ZNF786: variants seen among roughly 807,000 people sequenced by gnomAD.
ZNF786 encodes the protein zinc finger protein 786.
In ZNF786, 56 loss-of-function variants were observed where a neutral mutation model predicts 63.1. The observed-to-expected ratio is 0.89, with a 90% CI of 0.72 to 1.11. The LOEUF is 1.11. ZNF786 is among the 50% of genes least tolerant of loss of function. The pLI, the probability that ZNF786 is intolerant of heterozygous loss-of-function variation, is 0.00. For missense variants in ZNF786, 1,213 were observed against 1,041.8 expected, an observed-to-expected ratio of 1.16 and a Z score of -2.26; for synonymous variants, 485 against 406.9, an observed-to-expected ratio of 1.19 and a Z score of -2.31.
rs543540992 is a variant in ZNF786 at position 149,071,063 on chromosome 7, C to T, written c.1709G>A (p.Cys570Tyr). ...GGATTGTCTGGTGAAGCCCTTGCCA[C>T]ACTCCCCGCACGAGAACGGCCTCTC... ...SKERPFSCGECGKGFTRQSKL... is the reference protein window; with the variant it reads ...SKERPFSCGEYGKGFTRQSKL... The change falls in exon 4 of 4, where the codon TGT becomes TAT. Residue 570 changes from cysteine to tyrosine, a missense_variant. Coordinates refer to ENST00000491431, the MANE Select transcript of ZNF786 (RefSeq NM_152411.4). The T allele has an allele frequency of 1.4e-4, 231 of 1,612,428 alleles. No individual in the cohort carries two copies. Among genetic ancestry groups the T allele is most frequent in the Non-Finnish European group, 1.9e-4 (225 of 1,179,750 alleles).
In ZNF786 at chr7:149,071,099, G is replaced by A. The variant is rs1825404099; in HGVS notation, c.1673C>T (p.Thr558Met). Reference protein sequence around the residue: ...LKGILKAHQHTHSKERPFSCG... With the variant: ...LKGILKAHQHMHSKERPFSCG... ...CGAGAACGGCCTCTCCTTGCTGTGC[G>A]TGTGCTGGTGGGCCTTCAGGATGCC... Residue 558 changes from threonine (T) to methionine (M), a missense_variant, in exon 4 of 4, where the codon ACG becomes ATG. By Grantham distance (81) the Thr-to-Met change is moderately conservative. Transcript: ENST00000491431. 3 of 1,605,920 alleles carry A rather than the reference G, an allele frequency of 1.9e-6. No homozygotes were observed. Among genetic ancestry groups the A allele is most frequent in the Non-Finnish European group, 2.5e-6 (3 of 1,177,632 alleles).
rs1030569233 is a variant in ZNF786 at position 149,071,473 on chromosome 7, G to A, written c.1299C>T (p.Gly433=). 5 of 1,613,388 alleles carry A rather than the reference G, an allele frequency of 3.1e-6. No individual in the cohort carries two copies. In the South Asian group the frequency reaches 3.3e-5, roughly 11 times the overall value. Residue 433 remains glycine, a synonymous_variant, in exon 4 of 4, where the codon GGC becomes GGT. Transcript: ENST00000491431. ...CCGTGAGTTTACACTGCTTGGCGAA[G>A]CCCTTGCCACACTTCCTGCAGGAGA... ...RPFSCRKCGK[G]FAKQCKLTEH...
At chr7:149,076,288 T>A (rs1356459390) in intron 2 of ZNF786, among the ~76,000 whole-genome samples, 3 of 151,588 alleles carry the variant, frequency 2.0e-5, no homozygotes, top group Non-Finnish European at 2.9e-5. Flanking sequence ...CTAATTTTTG[T>A]ATTTTTAGTA....
chr7:149,076,734 A>C (rs974881968), intron 2 of ZNF786, among the ~76,000 whole-genome samples: 18 of 151,720 alleles, frequency 1.2e-4, no homozygotes, highest in African/African-American at 1.9e-4. Flanking sequence ...AAAAAAAAAA[A>C]AAAACTACAT....
intron 1 of ZNF786, among the ~76,000 whole-genome samples, chr7:149,089,901 G>A (rs1253054433): frequency 6.6e-6 from 1 of 151,460 alleles, no homozygotes; most frequent in African/African-American, 2.4e-5. Flanking sequence ...TTTTAGTAGA[G>A]TTGGGGTTTC....
In ZNF786 at chr7:149,070,929, G is replaced by A. The variant is rs771108934; in HGVS notation, c.1843C>T (p.His615Tyr). 4.3e-6 allele frequency: 7 copies of A among 1,613,722 alleles called. No individual in the cohort carries two copies. Among genetic ancestry groups the A allele is most frequent in the Non-Finnish European group, 5.9e-6 (7 of 1,179,988 alleles). ...KGQLLSHQRLHTGERPFQCPE... is the reference protein window; with the variant it reads ...KGQLLSHQRLYTGERPFQCPE... ...CACTGGAAGGGCCTCTCTCCCGTGT[G>A]CAGGCGCTGATGGCTGAGCAGCTGC... is the stretch of plus-strand genomic sequence containing the variant. The change falls in exon 4 of 4, where the codon CAC (histidine) becomes TAC (tyrosine). Residue 615 changes from histidine (H) to tyrosine (Y), a missense_variant. His to Tyr is a moderately conservative substitution (Grantham distance 83, BLOSUM62 2). Transcript: ENST00000491431.
chr7:149,072,125 C>T lies in ZNF786; in HGVS notation c.647G>A (p.Arg216Lys). Residue 216 changes from arginine to lysine, a missense_variant, in exon 4 of 4, where the codon AGG (arginine) becomes AAG (lysine). Transcript: ENST00000491431. Reference sequence around the variant, plus strand: ...CCTCTTGTTGAATTTCTCCCAGGCCCTACGTGTCCGGTCCTTTGAGTGGCC... The same window carrying T: ...CCTCTTGTTGAATTTCTCCCAGGCCTTACGTGTCCGGTCCTTTGAGTGGCC... Reference protein sequence around the residue: ...QRGHSKDRTRRAWEKFNKRAE... With the variant: ...QRGHSKDRTRKAWEKFNKRAE... 6.2e-7 allele frequency: 1 copy of T among 1,613,230 alleles called. No individual in the cohort carries two copies. Among genetic ancestry groups the T allele is most frequent in the East Asian group, 2.2e-5 (1 of 44,876 alleles).
Position 149,090,650 on chromosome 7 carries a change from G to A in ZNF786, c.-10C>T. 6.3e-7 allele frequency: 1 copy of A among 1,585,562 alleles called. No homozygotes were observed. The highest frequency in any genetic ancestry group is 2.3e-5 in the East Asian group (1 of 42,846). ...GAGGCGGCTCCGCCATGGTCCCCGC[G>A]GTCCCGCCCGGCCCTGGCAAACCCG... On this transcript the variant is annotated 5_prime_UTR_variant, in exon 1 of 4. Coordinates refer to ENST00000491431, the MANE Select transcript of ZNF786 (RefSeq NM_152411.4).
intron 3 of ZNF786, among the ~76,000 whole-genome samples, chr7:149,073,572 CCAAA>C (rs1205338899): frequency 2.6e-5 from 4 of 151,584 alleles, no homozygotes; most frequent in Non-Finnish European, 5.9e-5. Context: ...GTCTTAAAAA[CCAAA>C]CAAACTGGAT....
At chr7:149,087,004 G>A (rs774364523) in intron 1 of ZNF786, among the ~76,000 whole-genome samples, 1 of 151,990 alleles carries the variant, frequency 6.6e-6, no homozygotes, top group African/African-American at 2.4e-5. Context: ...CAACATGCTC[G>A]GCTAATTTTT....
chr7:149,090,642 G>A lies in ZNF786; in HGVS notation c.-2C>T, dbSNP rs756629857. On this transcript the variant is annotated 5_prime_UTR_variant, in exon 1 of 4. Transcript: ENST00000491431. ...GCTTACCCGAGGCGGCTCCGCCATGGTCCCCGCGGTCCCGCCCGGCCCTGG... is the reference window on the plus strand; with the variant it reads ...GCTTACCCGAGGCGGCTCCGCCATGATCCCCGCGGTCCCGCCCGGCCCTGG... 6.3e-7 allele frequency: 1 copy of A among 1,587,946 alleles called. No homozygotes were observed. The highest frequency in any genetic ancestry group is 8.6e-7 in the Non-Finnish European group (1 of 1,166,306).
At position 149,085,248 on chromosome 7, in the gene ZNF786, C is replaced by G. The variant is rs139307607; in HGVS notation, c.19-4531G>C. 7.4e-3 allele frequency among the ~76,000 whole-genome samples: 1,123 copies of G among 152,230 alleles called. 11 individuals are homozygous for G. In the Middle Eastern group the frequency reaches 0.082, roughly 11 times the overall value. On this transcript the variant is annotated intron_variant, in intron 1 of 3. Transcript: ENST00000491431. ...GATGTCTCCAGCTTTGTTCATTTTG[C>G]CTAGGACTGCCTTGGCTATTTGGGC...
At chr7:149,078,534 A>T (rs1825598432) in intron 2 of ZNF786, among the ~76,000 whole-genome samples, 1 of 152,100 alleles carries the variant, frequency 6.6e-6, no homozygotes, top group African/African-American at 2.4e-5. Context: ...AAAATATAAA[A>T]TTAGCAGGGC....
rs540390465 is a variant in ZNF786 at position 149,074,824 on chromosome 7, T to C, written c.146-286A>G. Reference sequence around the variant, plus strand: ...AACAAAATGGCTAATGCTATATATATATATATATTTTTAAAATTAATTATT... The same window carrying C: ...AACAAAATGGCTAATGCTATATATACATATATATTTTTAAAATTAATTATT... On this transcript the variant is annotated intron_variant, in intron 2 of 3. Transcript: ENST00000491431. 4.5e-4 allele frequency among the ~76,000 whole-genome samples: 68 copies of C among 151,374 alleles called. 2 individuals are homozygous for C. In the South Asian group the frequency reaches 0.013, roughly 29 times the overall value.
chr7:149,082,500 A>T (rs184247215), intron 1 of ZNF786: 142 of 908,026 alleles, frequency 1.6e-4, no homozygotes, highest in Non-Finnish European at 1.8e-4. Context: ...ATAAGCATAC[A>T]TCCCACCTTT....
chr7:149,070,925 G>A lies in ZNF786; in HGVS notation c.1847C>T (p.Thr616Met). ...GQLLSHQRLH[T>M]GERPFQCPEC... The stretch of plus-strand genomic sequence containing the variant: ...CGGACACTGGAAGGGCCTCTCTCCC[G>A]TGTGCAGGCGCTGATGGCTGAGCAG... The change falls in exon 4 of 4, where the codon ACG becomes ATG. Residue 616 changes from threonine (T) to methionine (M), a missense_variant. Coordinates refer to ENST00000491431, the MANE Select transcript of ZNF786 (RefSeq NM_152411.4). 8 of 1,612,444 alleles carry A rather than the reference G, an allele frequency of 5.0e-6. No individual in the cohort carries two copies. The highest frequency in any genetic ancestry group is 1.1e-5 in the South Asian group (1 of 91,038).
rs967766398 is a variant in ZNF786 at position 149,085,153 on chromosome 7, G to A, written c.19-4436C>T. ...TCTATTCTGTTCCATTGGTCTATAT[G>A]TCTGTTTTCTTACCAGTACCATGCT... On this transcript the variant is annotated intron_variant, in intron 1 of 3. Transcript: ENST00000491431. 3.3e-5 allele frequency among the ~76,000 whole-genome samples: 5 copies of A among 152,216 alleles called. No homozygotes were observed. The East Asian group carries it at 7.7e-4, about 24-fold the overall frequency.
chr7:149,079,163 C>CT (rs769446364), intron 2 of ZNF786, among the ~76,000 whole-genome samples: 2 of 152,166 alleles, frequency 1.3e-5, no homozygotes, highest in Non-Finnish European at 2.9e-5. Flanking sequence ...AATCCCAGCA[C>CT]TTCGGGAGGC....
At chr7:149,073,724 C>CGTGTGTGTGTGTGTGTGT (rs375323153) in intron 3 of ZNF786, among the ~76,000 whole-genome samples, 2 of 67,876 alleles carry the variant, frequency 2.9e-5, no homozygotes, top group Non-Finnish European at 5.8e-5. Flanking sequence ...TATATGTGTG[C>CGTGTGTGTGTGTGTGTGT]GTGTGTGTGT....
Sources: allele counts gnomAD v4.1 joint callset (sites outside exome capture counted in the v4.1 genomes callset), GRCh38; gene constraint gnomAD v4.1.1; transcripts MANE v1.5; gene names NCBI Gene and HGNC (gene_info 2026-07-23, HGNC 2026-07-21).